CASZ1: variants seen among roughly 807,000 people sequenced by gnomAD.
CASZ1 encodes castor zinc finger 1, also known as zinc finger protein castor homolog 1.
A neutral mutation model predicts 135.2 loss-of-function variants in CASZ1; 28 were observed. The observed-to-expected ratio is 0.21, with a 90% CI of 0.15 to 0.28. CASZ1 has a LOEUF of 0.28. Ranked by LOEUF, CASZ1 falls within the 10% of genes least tolerant of loss-of-function variation. The pLI, the probability that CASZ1 is intolerant of heterozygous loss-of-function variation, is 1.00. For synonymous variants in CASZ1, 1,068 were observed against 1,073.4 expected, an observed-to-expected ratio of 0.99 and a Z score of 0.10; for missense variants, 2,161 against 2,453.3, an observed-to-expected ratio of 0.88 and a Z score of 2.52.
chr1:10,687,352 C>T (rs1557506304), intron 4 of CASZ1, among the ~76,000 whole-genome samples: 1 of 152,244 alleles, frequency 6.6e-6, no homozygotes, highest in East Asian at 1.9e-4. Flanking sequence ...AGAGACAGCC[C>T]TCTTGGCTTT....
chr1:10,760,699 AC>A lies in CASZ1; in HGVS notation c.-77+1del, dbSNP rs1178531926. 2.0e-5 allele frequency: 3 copies of A among 152,238 alleles called. No homozygotes were observed. The highest frequency in any genetic ancestry group is 4.4e-5 in the Non-Finnish European group (3 of 68,090). 9.4% of individuals were successfully genotyped at this position (152,238 alleles called of 1,614,324 possible). ...GGCATCTTGGGAACCGGAAGCATCT[AC>A]CTTTGCATCCCAAGAGGCCAGGGTC... On this transcript the variant is annotated splice_donor_variant, in intron 2 of 20. Transcript: ENST00000377022. LOFTEE classifies it low-confidence loss of function (5UTR_SPLICE).
chr1:10,669,314 G>T (rs1006448413), intron 4 of CASZ1, among the ~76,000 whole-genome samples: 1 of 152,162 alleles, frequency 6.6e-6, no homozygotes, highest in Non-Finnish European at 1.5e-5. Flanking sequence ...TCTCTGCGGG[G>T]ACTCCTTCCC....
chr1:10,708,966 C>T (rs1164882774), intron 2 of CASZ1, among the ~76,000 whole-genome samples: 86 of 26,650 alleles, frequency 3.2e-3, no homozygotes, highest in African/African-American at 3.6e-3. Flanking sequence ...GGATGGAGGA[C>T]GGGGAGGGGG....
intron 4 of CASZ1, among the ~76,000 whole-genome samples, chr1:10,674,167 TG>T (rs749995915): frequency 6.6e-6 from 1 of 152,174 alleles, no homozygotes; most frequent in Non-Finnish European, 1.5e-5. Flanking sequence ...GGTGCAGAAG[TG>T]CCTCTTCCTA....
At chr1:10,661,396 C>T (rs1643017871) in intron 5 of CASZ1, 1 of 146,514 alleles carries the variant, frequency 6.8e-6, no homozygotes, top group East Asian at 1.9e-4. Flanking sequence ...CACATATCAA[C>T]ACACACTCAC....
At chr1:10,642,721 C>T (rs1176187361) in intron 20 of CASZ1, 138 bp downstream of exon 20, 1 of 932,256 alleles carries the variant, frequency 1.1e-6, no homozygotes, top group East Asian at 2.7e-5. Context: ...GTCCCACAGA[C>T]CAGCTGGCTC....
At chr1:10,753,295 C>T (rs1392301813) in intron 2 of CASZ1, among the ~76,000 whole-genome samples, 1 of 152,188 alleles carries the variant, frequency 6.6e-6, no homozygotes, top group Non-Finnish European at 1.5e-5. Flanking sequence ...GTGGAGGTCC[C>T]TGTCCGTCTC....
At chr1:10,796,139 G>A (rs1390767944) in intron 1 of CASZ1, among the ~76,000 whole-genome samples, 2 of 151,636 alleles carry the variant, frequency 1.3e-5, no homozygotes, top group African/African-American at 2.4e-5. Context: ...CCCACAGCGC[G>A]TGGGGCGCCC....
intron 17 of CASZ1, among the ~76,000 whole-genome samples, 182 bp from the exon 18 acceptor site, chr1:10,645,270 C>T (rs530782752): frequency 6.6e-6 from 1 of 152,300 alleles, no homozygotes; most frequent in East Asian, 1.9e-4. Context: ...GTGGCTCACG[C>T]CTATAATCCC....
At position 10,721,275 on chromosome 1, in the gene CASZ1, C is replaced by T. The variant is rs1469465708; in HGVS notation, c.-76-15731G>A. 6.6e-6 allele frequency among the ~76,000 whole-genome samples: 1 copy of T among 152,214 alleles called. No homozygotes were observed. The highest frequency in any genetic ancestry group is 2.4e-5 in the African/African-American group (1 of 41,532). On this transcript the variant is annotated intron_variant, in intron 2 of 20. Coordinates refer to ENST00000377022, the MANE Select transcript of CASZ1 (RefSeq NM_001079843.3). The surrounding 1 kb of genome is among the most constrained non-coding windows in gnomAD (Gnocchi z 5.4). ...TACTGCTCCTATCACCTACCTCCCC[C>T]ACCCCCTGATCTTAGGGAAAAAAAA...
In CASZ1 at chr1:10,679,496, C is replaced by A. The variant is rs1483408162; in HGVS notation, c.17-13925G>T. Among the ~76,000 whole-genome samples, 1 of 152,124 alleles carries A rather than the reference C, an allele frequency of 6.6e-6. No homozygotes were observed. Among genetic ancestry groups the A allele is most frequent in the Admixed American group, 6.5e-5 (1 of 15,276 alleles). On this transcript the variant is annotated intron_variant, in intron 4 of 20. Coordinates refer to ENST00000377022, the MANE Select transcript of CASZ1 (RefSeq NM_001079843.3). The surrounding 1 kb of genome is among the most constrained non-coding windows in gnomAD (Gnocchi z 4.7). ...CAGCTGTCTCGATGGTGCTACCAAG[C>A]AATGTAGCAGCCCCCACATACTCTG... is the stretch of plus-strand genomic sequence containing the variant.
At chr1:10,763,180 C>G (rs1021729050) in intron 1 of CASZ1, among the ~76,000 whole-genome samples, 10 of 152,172 alleles carry the variant, frequency 6.6e-5, no homozygotes, top group African/African-American at 2.2e-4. Context: ...GCCCAGGCCC[C>G]GGGGGCCATG....
intron 4 of CASZ1, among the ~76,000 whole-genome samples, chr1:10,686,599 C>A (rs1638600005): frequency 1.3e-5 from 2 of 152,346 alleles, no homozygotes; most frequent in African/African-American, 4.8e-5. Flanking sequence ...CAGCTCACTG[C>A]GCCCCTCCCC....
chr1:10,642,898 A>G lies in CASZ1; in HGVS notation c.4123T>C (p.Cys1375Arg). 1 of 1,613,048 alleles carries G rather than the reference A, an allele frequency of 6.2e-7. No homozygotes were observed. ...SSESSTMDRSCSSTPVGNEST... is the reference protein window; with the variant it reads ...SSESSTMDRSRSSTPVGNEST... ...TCGTTACCCACGGGGGTGCTGGAGC[A>G]GCTCCGGTCCATGGTGGATGACTCA... The change falls in exon 20 of 21, where the codon TGC becomes CGC. Residue 1375 changes from cysteine to arginine, a missense_variant. By Grantham distance (180) the Cys-to-Arg change is radical. Around this residue, in one of 7 missense-constraint regions of CASZ1, gnomAD observed 143 missense variants for 128.3 expected, o/e 1.11. Transcript: ENST00000377022.
Position 10,719,171 on chromosome 1 carries a change from G to A in CASZ1, c.-76-13627C>T, listed in dbSNP as rs1248562337. 2.6e-5 allele frequency among the ~76,000 whole-genome samples: 4 copies of A among 152,120 alleles called. No individual in the cohort carries two copies. The highest frequency in any genetic ancestry group is 6.5e-5 in the Admixed American group (1 of 15,272). On this transcript the variant is annotated intron_variant, in intron 2 of 20. Transcript: ENST00000377022. This position sits in a 1 kb window ranked among gnomAD's most constrained non-coding sequence, Gnocchi z 4.0. ...GACCTCAAGCAATCTGCCCGCTTCC[G>A]GCTCCCTAAGTGCTGGGATTACAGG...
In CASZ1 at chr1:10,694,678, G is replaced by T. The variant is rs1436169996; in HGVS notation, c.-23-766C>A. ...TGCCGGAGTGAATGGGCTCGCGCTCGCTCGCGCCCCCGCCGCGCGCCCCCG... is the reference window on the plus strand; with the variant it reads ...TGCCGGAGTGAATGGGCTCGCGCTCTCTCGCGCCCCCGCCGCGCGCCCCCG... On this transcript the variant is annotated intron_variant, in intron 3 of 20. Coordinates refer to ENST00000377022, the MANE Select transcript of CASZ1 (RefSeq NM_001079843.3). The surrounding 1 kb of genome is among the most constrained non-coding windows in gnomAD (Gnocchi z 6.6). Among the ~76,000 whole-genome samples the T allele has an allele frequency of 7.2e-6, 1 of 138,602 alleles. No individual in the cohort carries two copies. The highest frequency in any genetic ancestry group is 2.1e-4 in the East Asian group (1 of 4,804). 90.9% of individuals were successfully genotyped at this position (138,602 alleles called of 152,430 possible).
chr1:10,684,060 A>C (rs1638508590), intron 4 of CASZ1, among the ~76,000 whole-genome samples: 1 of 152,234 alleles, frequency 6.6e-6, no homozygotes, highest in African/African-American at 2.4e-5. Context: ...CCGGGCCTCC[A>C]GCTTCCCCAC....
At chr1:10,761,158 C>G (rs1320467285) in intron 1 of CASZ1, among the ~76,000 whole-genome samples, 1 of 152,234 alleles carries the variant, frequency 6.6e-6, no homozygotes, top group Non-Finnish European at 1.5e-5. Flanking sequence ...CAGGTGCCTC[C>G]CCAGGTAACA....
In CASZ1 at chr1:10,666,892, G is replaced by A. The variant is rs1643253811; in HGVS notation, c.17-1321C>T. 6.6e-6 allele frequency among the ~76,000 whole-genome samples: 1 copy of A among 152,224 alleles called. No individual in the cohort carries two copies. On this transcript the variant is annotated intron_variant, in intron 4 of 20. Transcript: ENST00000377022. This position sits in a 1 kb window ranked among gnomAD's most constrained non-coding sequence, Gnocchi z 5.2. ...CTTCTGTGGGCCAGACCCTGTGGTGGGGCTTGGGGACAGCGCAGTGGCCAC... is the reference window on the plus strand; with the variant it reads ...CTTCTGTGGGCCAGACCCTGTGGTGAGGCTTGGGGACAGCGCAGTGGCCAC...
Sources: gnomAD v4.1 joint callset for allele counts (sites outside exome capture counted in the v4.1 genomes callset) on GRCh38, gnomAD v4.1.1 for gene constraint, gnomAD v4.1.1 regional missense constraint, Gnocchi (gnomAD v3.1) non-coding constraint, MANE v1.5 for transcripts, NCBI Gene and HGNC (gene_info 2026-07-23, HGNC 2026-07-21) for gene names.